Variants in FSD1L observed in about 807,000 individuals in gnomAD.
FSD1L encodes the protein FSD1-like protein.
In FSD1L, 45 loss-of-function variants were observed where a neutral mutation model predicts 71.6. The observed-to-expected ratio is 0.63, with a 90% CI of 0.49 to 0.81. FSD1L has a LOEUF of 0.81. Ranked by LOEUF, FSD1L falls within the 30% of genes least tolerant of loss-of-function variation. The pLI, the probability that FSD1L is intolerant of heterozygous loss-of-function variation, is 0.00. For synonymous variants in FSD1L, 197 were observed against 207.2 expected (o/e 0.95, Z 0.42); for missense variants, 561 against 618.1 (o/e 0.91, Z 0.98).
At position 105,512,930 on chromosome 9, in the gene FSD1L, A is replaced by C. The variant is rs1304738203; in HGVS notation, c.1019A>C (p.Lys340Thr). The C allele has an allele frequency of 6.5e-7, 1 of 1,533,262 alleles. No homozygotes were observed. The highest frequency in any genetic ancestry group is 1.2e-5 in the South Asian group (1 of 80,010). 95.0% of individuals were successfully genotyped at this position (1,533,262 alleles called of 1,614,324 possible). The change falls in exon 10 of 14, where the codon AAG becomes ACG. Residue 340 changes from lysine (K) to threonine (T), a missense_variant. Physicochemically the swap from Lys to Thr is moderately conservative, Grantham distance 78. Coordinates refer to ENST00000481272, the MANE Select transcript of FSD1L (RefSeq NM_001145313.3). ...QESKIKGKEN[K>T]GRSGTPSPKR... ...AGTAAAATTAAAGGAAAAGAGAACA[A>C]GGGCAGGTAAGCTAGACCATTAAAT... is the stretch of plus-strand genomic sequence containing the variant.
chr9:105,447,867 G>T (rs927967336), upstream of FSD1L: 14 of 399,126 alleles, frequency 3.5e-5, no homozygotes, highest in African/African-American at 3.0e-4. Context: ...CGGAGAGACC[G>T]CTATCGCTGG....
At chr9:105,491,250 T>G (rs1832916773) in intron 7 of FSD1L, among the ~76,000 whole-genome samples, 1 of 151,366 alleles carries the variant, frequency 6.6e-6, no homozygotes, top group African/African-American at 2.5e-5. Context: ...TTCTAGGTAT[T>G]TTATTCTCTT....
Position 105,471,968 on chromosome 9 carries a change from G to C in FSD1L, c.404G>C (p.Arg135Thr). ...NSEELLEFAT[R>T]SLDIKEPEEF... ...GAAGAACTATTAGAATTTGCAACAA[G>C]GTCATTAGATATAAAGGAACCTGAA... is the stretch of plus-strand genomic sequence containing the variant. Residue 135 changes from arginine to threonine, a missense_variant, in exon 5 of 14, where the codon AGG becomes ACG. Physicochemically the swap from Arg to Thr is moderately conservative, Grantham distance 71 (BLOSUM62 -1). Around this residue, in one of 3 missense-constraint regions of FSD1L, gnomAD observed 410 missense variants for 413.5 expected, o/e 0.99. Transcript: ENST00000481272. The C allele has an allele frequency of 6.9e-7, 1 of 1,438,978 alleles. No individual in the cohort carries two copies. The highest frequency in any genetic ancestry group is 9.1e-7 in the Non-Finnish European group (1 of 1,098,358). The allele number at this position is 1,438,978 out of a possible 1,614,324, so 89.1% of individuals were successfully genotyped here.
chr9:105,551,559 T>A lies in FSD1L; in HGVS notation c.*5076T>A, dbSNP rs1357415342. On this transcript the variant is annotated 3_prime_UTR_variant, in exon 14 of 14. Transcript: ENST00000481272. Reference sequence around the variant, plus strand: ...CTAATAATGGATTTAAGTGTTTGGATAATTGTAGATGCATTTACTTTGATA... The same window carrying A: ...CTAATAATGGATTTAAGTGTTTGGAAAATTGTAGATGCATTTACTTTGATA... The A allele has an allele frequency of 6.6e-6, 1 of 152,222 alleles. No homozygotes were observed. The highest frequency in any genetic ancestry group is 1.5e-5 in the Non-Finnish European group (1 of 68,008). The allele number at this position is 152,222 out of a possible 1,614,324, so 9.4% of individuals were successfully genotyped here.
intron 1 of FSD1L, among the ~76,000 whole-genome samples, chr9:105,448,957 A>ATGTCTTGAACAATGTC (rs1829811850): frequency 6.6e-6 from 1 of 152,248 alleles, no homozygotes; most frequent in Non-Finnish European, 1.5e-5. Flanking sequence ...TTGGAGAACA[A>ATGTCTTGAACAATGTC]AGCCAATGTC....
intron 5 of FSD1L, among the ~76,000 whole-genome samples, chr9:105,479,095 C>T (rs946037679): frequency 6.6e-6 from 1 of 152,070 alleles, no homozygotes; most frequent in Admixed American, 6.6e-5. Context: ...TTTATAGTCA[C>T]CTGGAATTTG....
At chr9:105,522,099 C>T (rs1835206428) in intron 10 of FSD1L, 2 of 1,613,580 alleles carry the variant, frequency 1.2e-6, no homozygotes, top group Non-Finnish European at 1.7e-6. Context: ...GGCAGGTCGA[C>T]TTGCAGGACC....
intron 6 of FSD1L, among the ~76,000 whole-genome samples, chr9:105,481,176 TGTGGTTC>T (rs1832161562): frequency 8.1e-6 from 1 of 123,110 alleles, no homozygotes; most frequent in Non-Finnish European, 1.8e-5. Context: ...TGTGTGTGTG[TGTGGTTC>T]TTTTTTTTTT....
chr9:105,512,917 G>A lies in FSD1L; in HGVS notation c.1006G>A (p.Gly336Arg). Residue 336 changes from glycine (G) to arginine (R), a missense_variant, in exon 10 of 14, where the codon GGA becomes AGA. Physicochemically the swap from Gly to Arg is moderately radical, Grantham distance 125. This residue lies in a region of FSD1L where 410 missense variants were observed against 413.5 expected (regional missense o/e 0.99). Transcript: ENST00000481272. ...GGKGQESKIK[G>R]KENKGRSGTP... is the part of the protein sequence containing the mutation. ...AAAAGGTCAAGAAAGTAAAATTAAAGGAAAAGAGAACAAGGGCAGGTAAGC... is the reference window on the plus strand; with the variant it reads ...AAAAGGTCAAGAAAGTAAAATTAAAAGAAAAGAGAACAAGGGCAGGTAAGC... 6.5e-7 allele frequency: 1 copy of A among 1,537,016 alleles called. No homozygotes were observed. Among genetic ancestry groups the A allele is most frequent in the Non-Finnish European group, 8.8e-7 (1 of 1,141,470 alleles).
intron 5 of FSD1L, among the ~76,000 whole-genome samples, chr9:105,477,724 CAATTA>C (rs1167152303): frequency 3.9e-5 from 6 of 152,056 alleles, no homozygotes; most frequent in Admixed American, 1.3e-4. Context: ...ATTAAAAAAT[CAATTA>C]AATTAACTTT....
At chr9:105,545,864 T>C (rs1330861677) in intron 13 of FSD1L, among the ~76,000 whole-genome samples, 1 of 152,102 alleles carries the variant, frequency 6.6e-6, no homozygotes, top group Non-Finnish European at 1.5e-5. Context: ...GAGTCCTTCT[T>C]AAATAATTAT....
At chr9:105,493,327 G>T (rs900231576) in intron 7 of FSD1L, among the ~76,000 whole-genome samples, 1 of 152,022 alleles carries the variant, frequency 6.6e-6, no homozygotes. Context: ...TGCAACCCCT[G>T]CCTTTTTTAG....
At chr9:105,546,027 T>C (rs999148074) in intron 13 of FSD1L, among the ~76,000 whole-genome samples, 1 of 152,074 alleles carries the variant, frequency 6.6e-6, no homozygotes, top group African/African-American at 2.4e-5. Context: ...ATGCTTCCCT[T>C]GGTTGTGAAA....
chr9:105,545,807 A>G (rs957427273), intron 13 of FSD1L, among the ~76,000 whole-genome samples: 1 of 152,158 alleles, frequency 6.6e-6, no homozygotes, highest in South Asian at 2.1e-4. Flanking sequence ...GATAAGTAAT[A>G]GAACATGGGA....
chr9:105,475,409 G>A (rs1831730126), intron 5 of FSD1L, among the ~76,000 whole-genome samples: 1 of 152,188 alleles, frequency 6.6e-6, no homozygotes, highest in Admixed American at 6.5e-5. Flanking sequence ...TGATTCGCCT[G>A]TAGAATATTG....
intron 7 of FSD1L, among the ~76,000 whole-genome samples, chr9:105,489,949 G>A (rs1203784847): frequency 6.6e-6 from 1 of 152,144 alleles, no homozygotes; most frequent in Non-Finnish European, 1.5e-5. Flanking sequence ...ATTGTGAATA[G>A]TGCTGCAATA....
At chr9:105,522,841 G>A in intron 10 of FSD1L, 1 of 1,611,130 alleles carries the variant, frequency 6.2e-7, no homozygotes. Context: ...AGTAGTCCAG[G>A]CAGCCTGGAA....
At chr9:105,483,473 C>T (rs550054418) in intron 6 of FSD1L, among the ~76,000 whole-genome samples, 2 of 152,238 alleles carry the variant, frequency 1.3e-5, no homozygotes, top group South Asian at 2.1e-4. Context: ...CAGTGTTCAC[C>T]TGTAGTACTT....
chr9:105,528,314 C>T (rs62575105), intron 10 of FSD1L, among the ~76,000 whole-genome samples: 41,958 of 151,472 alleles, frequency 0.28, 6,034 homozygotes, highest in Non-Finnish European at 0.31. Flanking sequence ...TGGAACCGCC[C>T]GCATAGAGAA....
Sources: gnomAD v4.1 joint callset for allele counts (sites outside exome capture counted in the v4.1 genomes callset) on GRCh38, gnomAD v4.1.1 for gene constraint, gnomAD v4.1.1 regional missense constraint, MANE v1.5 for transcripts, NCBI Gene and HGNC (gene_info 2026-07-23, HGNC 2026-07-21) for gene names.